TCF20: variants seen among roughly 807,000 people sequenced by gnomAD.
TCF20 encodes SPRE-binding protein.
TCF20 carries 3 observed loss-of-function variants against 148.6 expected under a neutral mutation model. That is an observed-to-expected ratio of 0.02 (90% CI 0.01 to 0.05). The LOEUF is 0.05. Ranked by LOEUF, TCF20 falls within the 10% of genes least tolerant of loss-of-function variation. TCF20 has a pLI of 1.00. For synonymous variants in TCF20, 1,049 were observed against 909.5 expected (o/e 1.15, Z -2.76); for missense variants, 2,350 against 2,429.3 (o/e 0.97, Z 0.69).
chr22:42,211,827 G>A lies in TCF20; in HGVS notation c.3479C>T (p.Ala1160Val), dbSNP rs1325500039. Reference sequence around the variant, plus strand: ...ATCACTAGACATTAGGCAGCGCCCAGCCTCCTGGGCACTGGGGTCATGGTA... The same window carrying A: ...ATCACTAGACATTAGGCAGCGCCCAACCTCCTGGGCACTGGGGTCATGGTA... Reference protein sequence around the residue: ...GTYHDPSAQEAGRCLMSSDGL... With the variant: ...GTYHDPSAQEVGRCLMSSDGL... The change falls in exon 2 of 6, where the codon GCT (alanine) becomes GTT (valine). Residue 1160 changes from alanine (A) to valine (V), a missense_variant. Physicochemically the swap from Ala to Val is moderately conservative, Grantham distance 64 (BLOSUM62 0). Transcript: ENST00000677622. 1 of 1,614,204 alleles carries A rather than the reference G, an allele frequency of 6.2e-7. No homozygotes were observed. The highest frequency in any genetic ancestry group is 1.7e-5 in the Admixed American group (1 of 60,036).
At chr22:42,202,532 T>C (rs73169118) in intron 2 of TCF20, among the ~76,000 whole-genome samples, 14,666 of 152,260 alleles carry the variant, frequency 0.096, 826 homozygotes, top group African/African-American at 0.14. Flanking sequence ...GCCTCCCCTC[T>C]ACACAGCTGT....
intron 1 of TCF20, among the ~76,000 whole-genome samples, chr22:42,219,524 C>T (rs1289730751): frequency 6.6e-6 from 1 of 151,436 alleles, no homozygotes; most frequent in Non-Finnish European, 1.5e-5. Flanking sequence ...AATCTGATAC[C>T]TCAAAGGAAT....
At chr22:42,174,911 T>G (rs1324890205) in intron 3 of TCF20, among the ~76,000 whole-genome samples, 1 of 151,742 alleles carries the variant, frequency 6.6e-6, no homozygotes, top group Non-Finnish European at 1.5e-5. Flanking sequence ...GGCGGGCGCC[T>G]GTAGTCCCAG....
At chr22:42,300,431 C>T (rs1282617076) in intron 1 of TCF20, among the ~76,000 whole-genome samples, 1 of 152,064 alleles carries the variant, frequency 6.6e-6, no homozygotes, top group African/African-American at 2.4e-5. Context: ...CCAAATAGAG[C>T]ATGTCCTGAC....
At chr22:42,309,513 C>T (rs1472208963) in intron 1 of TCF20, among the ~76,000 whole-genome samples, 4 of 151,918 alleles carry the variant, frequency 2.6e-5, no homozygotes, top group Admixed American at 2.6e-4. Context: ...CTGCCCACCT[C>T]GCCCCCGCTG....
chr22:42,178,769 G>A (rs372616238), intron 3 of TCF20, among the ~76,000 whole-genome samples: 1 of 151,286 alleles, frequency 6.6e-6, no homozygotes, highest in Non-Finnish European at 1.5e-5. Flanking sequence ...TAGTAGAGAC[G>A]GGGTTTCACT....
chr22:42,171,240 C>A (rs1936117515), intron 3 of TCF20, among the ~76,000 whole-genome samples: 1 of 152,122 alleles, frequency 6.6e-6, no homozygotes, highest in Non-Finnish European at 1.5e-5. Flanking sequence ...AACGCGGTGG[C>A]AGAATGTTAA....
At chr22:42,257,990 G>A (rs1423816758) in intron 1 of TCF20, among the ~76,000 whole-genome samples, 2 of 152,128 alleles carry the variant, frequency 1.3e-5, no homozygotes, top group Non-Finnish European at 2.9e-5. Flanking sequence ...CAAGTCACTG[G>A]TCTAATAAAT....
intron 3 of TCF20, among the ~76,000 whole-genome samples, chr22:42,176,988 G>C (rs964968760): frequency 6.6e-6 from 1 of 152,176 alleles, no homozygotes; most frequent in Non-Finnish European, 1.5e-5. Context: ...CAAATGACTA[G>C]AAGATACCAA....
chr22:42,260,604 C>T (rs940001720), intron 1 of TCF20, among the ~76,000 whole-genome samples: 62 of 152,220 alleles, frequency 4.1e-4, no homozygotes, highest in African/African-American at 1.5e-3. Context: ...CCCACCTCAG[C>T]CTCCCAAGTA....
intron 2 of TCF20, among the ~76,000 whole-genome samples, chr22:42,201,223 C>G (rs1459726211): frequency 2.0e-5 from 3 of 152,226 alleles, no homozygotes; most frequent in Non-Finnish European, 4.4e-5. Flanking sequence ...GCTTCCTATA[C>G]AGCTTCCAGA....
intron 1 of TCF20, among the ~76,000 whole-genome samples, chr22:42,323,146 C>T (rs1030020732): frequency 2.6e-5 from 4 of 151,690 alleles, no homozygotes; most frequent in African/African-American, 9.7e-5. Context: ...CCTCAGGTGG[C>T]CCACCTCAGC....
At chr22:42,301,198 T>C (rs1241694963) in intron 1 of TCF20, among the ~76,000 whole-genome samples, 1 of 151,698 alleles carries the variant, frequency 6.6e-6, no homozygotes, top group Non-Finnish European at 1.5e-5. Context: ...TAGGGAGCCG[T>C]TGGAGGTGTG....
chr22:42,309,688 T>C (rs1801317841), intron 1 of TCF20, among the ~76,000 whole-genome samples: 1 of 152,144 alleles, frequency 6.6e-6, no homozygotes, highest in Admixed American at 6.5e-5. Flanking sequence ...ACCTGTATTC[T>C]TCCTTCCAGT....
At chr22:42,270,198 C>T (rs1371264466) in intron 1 of TCF20, among the ~76,000 whole-genome samples, 141 bp downstream of exon 1, 1 of 151,836 alleles carries the variant, frequency 6.6e-6, no homozygotes, top group African/African-American at 2.4e-5. Flanking sequence ...AGCCCTGACT[C>T]GGAGTCCAGG....
rs1455431454 is a variant in TCF20 at position 42,270,548 on chromosome 22, C to T, written c.-246G>A. On this transcript the variant is annotated 5_prime_UTR_variant, in exon 1 of 6. Transcript: ENST00000677622. Reference sequence around the variant, plus strand: ...CGCGCTCGCTCCCCGGTCAGGCGCGCCTCAGGGCGGGCTCCCCTGGCGGAG... The same window carrying T: ...CGCGCTCGCTCCCCGGTCAGGCGCGTCTCAGGGCGGGCTCCCCTGGCGGAG... 2.7e-5 allele frequency among the ~76,000 whole-genome samples: 4 copies of T among 145,898 alleles called. No individual in the cohort carries two copies. Among genetic ancestry groups the T allele is most frequent in the Non-Finnish European group, 6.1e-5 (4 of 65,618 alleles).
In TCF20 at chr22:42,211,475, G is replaced by A. The variant is rs1377286693; in HGVS notation, c.3831C>T (p.Ser1277=). 1.2e-6 allele frequency: 2 copies of A among 1,614,084 alleles called. No individual in the cohort carries two copies. The highest frequency in any genetic ancestry group is 2.2e-5 in the East Asian group (1 of 44,892). ...KRQSQDVKNS[S]TEDKGRLLHS... ...GAAGGAGGCGACCTTTATCTTCAGT[G>A]CTACTGTTCTTTACATCTTGTGACT... Residue 1277 remains serine (S), a synonymous_variant, in exon 2 of 6, where the codon AGC becomes AGT. Transcript: ENST00000677622.
chr22:42,261,859 C>T (rs1926046288), intron 1 of TCF20, among the ~76,000 whole-genome samples: 1 of 152,066 alleles, frequency 6.6e-6, no homozygotes, highest in Non-Finnish European at 1.5e-5. Flanking sequence ...GGCCTGGTGG[C>T]GGGCGCCTGT....
intron 1 of TCF20, among the ~76,000 whole-genome samples, chr22:42,254,826 G>GCT (rs1925633563): frequency 6.6e-6 from 1 of 151,986 alleles, no homozygotes; most frequent in Non-Finnish European, 1.5e-5. Context: ...TTAGCCGCGG[G>GCT]TGGAGGCGGG....
Sources: allele counts gnomAD v4.1 joint callset (sites outside exome capture counted in the v4.1 genomes callset), GRCh38; gene constraint gnomAD v4.1.1; transcripts MANE v1.5; gene names NCBI Gene and HGNC (gene_info 2026-07-23, HGNC 2026-07-21).